PHKB: variants seen among roughly 807,000 people sequenced by gnomAD.
The protein encoded by PHKB is phosphorylase kinase regulatory subunit beta, also known as phosphorylase b kinase regulatory subunit beta.
Under a neutral mutation model 152.1 loss-of-function variants are expected in PHKB, and 122 were observed. The ratio of observed to expected loss-of-function variants is 0.80; its 90% confidence interval spans 0.69 to 0.93. PHKB has a LOEUF of 0.93. Among genes scored for constraint, PHKB ranks in the 40% least tolerant of loss-of-function variants. The pLI is 0.00. For synonymous variants in PHKB, 436 were observed against 464.9 expected, an observed-to-expected ratio of 0.94 and a Z score of 0.80; for missense variants, 1,304 against 1,328.4, an observed-to-expected ratio of 0.98 and a Z score of 0.29.
chr16:47,679,991 T>G (rs1208307096), intron 26 of PHKB, among the ~76,000 whole-genome samples: 1 of 152,198 alleles, frequency 6.6e-6, no homozygotes, highest in Non-Finnish European at 1.5e-5. Context: ...GTTGTTGAAT[T>G]TTGTCAAAGG....
intron 16 of PHKB, among the ~76,000 whole-genome samples, chr16:47,643,491 T>G (rs1261863959): frequency 6.6e-6 from 1 of 152,208 alleles, no homozygotes; most frequent in African/African-American, 2.4e-5. Context: ...ACAAATGACT[T>G]GCAATTTTGG....
chr16:47,534,434 C>G (rs1305838454), intron 6 of PHKB, among the ~76,000 whole-genome samples: 1 of 152,042 alleles, frequency 6.6e-6, no homozygotes, highest in Non-Finnish European at 1.5e-5. Flanking sequence ...AAGCTCTTTC[C>G]TAGAGACATA....
chr16:47,657,293 T>G (rs567098030), intron 20 of PHKB, among the ~76,000 whole-genome samples: 36 of 152,216 alleles, frequency 2.4e-4, no homozygotes, highest in Non-Finnish European at 4.9e-4. Context: ...ATATTTATTG[T>G]GCTCCGACTG....
chr16:47,596,669 T>C (rs1293391936), intron 13 of PHKB, 138 bp downstream of exon 13: 1 of 730,382 alleles, frequency 1.4e-6, no homozygotes, highest in African/African-American at 1.8e-5. Context: ...TTTCCTAGTA[T>C]CTAGTGGTAT....
chr16:47,536,293 C>T (rs556918771), intron 6 of PHKB, among the ~76,000 whole-genome samples: 86 of 152,250 alleles, frequency 5.6e-4, no homozygotes, highest in Non-Finnish European at 9.4e-4. Context: ...TCAGGTGATC[C>T]GCCCACCTCA....
intron 1 of PHKB, among the ~76,000 whole-genome samples, chr16:47,469,736 G>A (rs11861008): frequency 0.12 from 18,276 of 152,138 alleles, 2,417 homozygotes; most frequent in African/African-American, 0.33. Flanking sequence ...AAACTTGCAC[G>A]TGTACCCCTA....
intron 1 of PHKB, among the ~76,000 whole-genome samples, chr16:47,481,581 A>T (rs925636909): frequency 6.6e-6 from 1 of 152,250 alleles, no homozygotes; most frequent in Non-Finnish European, 1.5e-5. Context: ...GACAAAGCCA[A>T]TTAATCCAGA....
intron 4 of PHKB, among the ~76,000 whole-genome samples, chr16:47,511,304 A>G (rs768973077): frequency 2.0e-4 from 30 of 152,220 alleles, no homozygotes; most frequent in Non-Finnish European, 3.1e-4. Context: ...GCATTTCCAA[A>G]TAACAGCTCA....
At chr16:47,645,354 G>A (rs1197370387) in intron 16 of PHKB, among the ~76,000 whole-genome samples, 43 of 121,926 alleles carry the variant, frequency 3.5e-4, no homozygotes, top group African/African-American at 1.2e-3. Flanking sequence ...TAGGTCTAAC[G>A]TTTAAATCTT....
intron 7 of PHKB, among the ~76,000 whole-genome samples, chr16:47,578,941 A>G (rs1597099219): frequency 6.7e-6 from 1 of 149,768 alleles, no homozygotes; most frequent in Non-Finnish European, 1.5e-5. Context: ...TTTGTTGGGG[A>G]TTTTTTGTAT....
intron 8 of PHKB, 58 bp from the exon 9 acceptor site, chr16:47,587,610 A>G (rs1971956707): frequency 1.5e-6 from 2 of 1,333,366 alleles, no homozygotes; most frequent in African/African-American, 1.4e-5. Context: ...TCAAAATGCC[A>G]AAGTTCTACA....
At chr16:47,539,599 G>A (rs576918715) in intron 6 of PHKB, among the ~76,000 whole-genome samples, 31 of 152,028 alleles carry the variant, frequency 2.0e-4, no homozygotes, top group Admixed American at 1.8e-3. Context: ...TAGACTCTAA[G>A]CTTAAGTGAG....
chr16:47,546,071 A>G lies in PHKB; in HGVS notation c.595-1362A>G, dbSNP rs983256882. Among the ~76,000 whole-genome samples, 5 of 152,182 alleles carry G rather than the reference A, an allele frequency of 3.3e-5. No homozygotes were observed. The East Asian group carries it at 9.6e-4, about 29-fold the overall frequency. ...TAGCTCGGATAATTTTGTTATTACC[A>G]ACTTTCTGAAGCCTACTTCTTTGAA... On this transcript the variant is annotated intron_variant, in intron 6 of 30. Coordinates refer to ENST00000323584, the MANE Select transcript of PHKB (RefSeq NM_000293.3).
intron 26 of PHKB, among the ~76,000 whole-genome samples, chr16:47,681,588 G>T (rs924266614): frequency 6.6e-6 from 1 of 151,934 alleles, no homozygotes; most frequent in African/African-American, 2.4e-5. Context: ...GACTAGGATT[G>T]CAACCCCTGC....
At chr16:47,475,455 A>T (rs1412798459) in intron 1 of PHKB, among the ~76,000 whole-genome samples, 2 of 152,312 alleles carry the variant, frequency 1.3e-5, no homozygotes, top group Middle Eastern at 6.8e-3. Context: ...AGTTTTGAGT[A>T]ACGGAACATT....
intron 14 of PHKB, among the ~76,000 whole-genome samples, chr16:47,613,367 G>C (rs753107089): frequency 6.6e-6 from 1 of 152,138 alleles, no homozygotes; most frequent in Non-Finnish European, 1.5e-5. Context: ...GCATAGTGTT[G>C]CCAACCAGGG....
intron 1 of PHKB, among the ~76,000 whole-genome samples, chr16:47,491,274 T>C (rs143199525): frequency 6.6e-6 from 1 of 152,324 alleles, no homozygotes; most frequent in East Asian, 1.9e-4. Context: ...CTTACAGACA[T>C]ATAGAACTAT....
chr16:47,534,090 A>G (rs1266158562), intron 6 of PHKB, among the ~76,000 whole-genome samples: 1 of 152,222 alleles, frequency 6.6e-6, no homozygotes, highest in Non-Finnish European at 1.5e-5. Context: ...CAAGCTCGGA[A>G]GGGGTGGGAC....
chr16:47,610,802 T>A, intron 13 of PHKB, 24 bp from the exon 14 acceptor site: 2 of 1,382,956 alleles, frequency 1.4e-6, no homozygotes, highest in Non-Finnish European at 2.1e-6. Context: ...TTTTCGATAA[T>A]GTCATTCCCC....
Sources: allele counts gnomAD v4.1 joint callset (sites outside exome capture counted in the v4.1 genomes callset), GRCh38; gene constraint gnomAD v4.1.1; transcripts MANE v1.5; gene names NCBI Gene and HGNC (gene_info 2026-07-23, HGNC 2026-07-21).